CACNA2D1: variants seen among roughly 807,000 people sequenced by gnomAD.
CACNA2D1 encodes the protein calcium voltage-gated channel auxiliary subunit alpha2delta 1.
Under a neutral mutation model 171.5 loss-of-function variants are expected in CACNA2D1, and 53 were observed. The ratio of observed to expected loss-of-function variants is 0.31; its 90% CI spans 0.25 to 0.39. The LOEUF (loss-of-function observed/expected upper bound fraction) is 0.39. CACNA2D1 is among the 10% of genes least tolerant of loss of function. CACNA2D1 has a pLI of 1.00. For synonymous variants in CACNA2D1, 442 were observed against 443.1 expected, an observed-to-expected ratio of 1.00 and a Z score of 0.03; for missense variants, 903 against 1,299.8, an observed-to-expected ratio of 0.69 and a Z score of 4.69.
At chr7:82,328,015 C>G (rs1164365259) in intron 3 of CACNA2D1, among the ~76,000 whole-genome samples, 1 of 152,120 alleles carries the variant, frequency 6.6e-6, no homozygotes. Context: ...GAGACCAGCT[C>G]CATCTCACTG....
intron 3 of CACNA2D1, among the ~76,000 whole-genome samples, chr7:82,225,961 C>T (rs114728860): frequency 0.012 from 1,816 of 152,198 alleles, 31 homozygotes; most frequent in African/African-American, 0.041. Context: ...CTATTCATTA[C>T]TCAAAATAAA....
intron 6 of CACNA2D1, among the ~76,000 whole-genome samples, chr7:82,109,513 A>C (rs931015199): frequency 2.0e-5 from 3 of 152,194 alleles, no homozygotes; most frequent in African/African-American, 7.2e-5. Context: ...CAGCAATTTT[A>C]ACAAGAATGA....
At chr7:82,285,756 T>C (rs186216567) in intron 3 of CACNA2D1, among the ~76,000 whole-genome samples, 1 of 152,290 alleles carries the variant, frequency 6.6e-6, no homozygotes, top group East Asian at 1.9e-4. Context: ...ATGACATATT[T>C]AAAAACTTGA....
chr7:82,389,672 A>G (rs958301434), intron 1 of CACNA2D1, among the ~76,000 whole-genome samples: 3 of 152,110 alleles, frequency 2.0e-5, no homozygotes, highest in African/African-American at 7.2e-5. Context: ...GAAATTCCCC[A>G]TCTCTATTAG....
chr7:81,951,976 T>TG (rs1554321729), intron 38 of CACNA2D1, among the ~76,000 whole-genome samples: 2 of 148,094 alleles, frequency 1.4e-5, no homozygotes, highest in South Asian at 2.1e-4. Context: ...AGTGTTTTTT[T>TG]TTTTTTTTTT....
intron 7 of CACNA2D1, among the ~76,000 whole-genome samples, chr7:82,069,782 G>A (rs1042441074): frequency 7.3e-5 from 11 of 151,362 alleles, no homozygotes; most frequent in African/African-American, 2.2e-4. Context: ...TGATTCTCTC[G>A]GTAGAAACAT....
At chr7:81,957,117 T>A (rs1328219535) in intron 38 of CACNA2D1, among the ~76,000 whole-genome samples, 1 of 152,078 alleles carries the variant, frequency 6.6e-6, no homozygotes, top group African/African-American at 2.4e-5. Context: ...TAAATTTGTG[T>A]TAGCATCTTT....
At chr7:82,036,857 C>G (rs1803341264) in intron 11 of CACNA2D1, among the ~76,000 whole-genome samples, 1 of 152,174 alleles carries the variant, frequency 6.6e-6, no homozygotes, top group South Asian at 2.1e-4. Flanking sequence ...ACATTATGAT[C>G]TGACTTTTTA....
At chr7:82,044,560 G>GGATA (rs1804331101) in intron 10 of CACNA2D1, among the ~76,000 whole-genome samples, 1 of 151,844 alleles carries the variant, frequency 6.6e-6, no homozygotes, top group Non-Finnish European at 1.5e-5. Context: ...TAACTATGAT[G>GGATA]GATAACATAC....
At chr7:82,073,766 A>C (rs1048250328) in intron 7 of CACNA2D1, among the ~76,000 whole-genome samples, 1 of 151,990 alleles carries the variant, frequency 6.6e-6, no homozygotes, top group Non-Finnish European at 1.5e-5. Context: ...ACACCCGGCT[A>C]ATTTTTGTAT....
chr7:82,056,635 G>A (rs1395843826), intron 10 of CACNA2D1, among the ~76,000 whole-genome samples: 1 of 152,130 alleles, frequency 6.6e-6, no homozygotes, highest in African/African-American at 2.4e-5. Context: ...CACGGGAATA[G>A]TGTGATGCTG....
At chr7:82,136,990 A>G (rs2129079109) in intron 4 of CACNA2D1, among the ~76,000 whole-genome samples, 1 of 152,340 alleles carries the variant, frequency 6.6e-6, no homozygotes, top group East Asian at 1.9e-4. Flanking sequence ...ATATATTAAT[A>G]CACAATGAAC....
chr7:82,386,401 T>TTTGAA (rs1227497045), intron 1 of CACNA2D1, among the ~76,000 whole-genome samples: 1 of 152,148 alleles, frequency 6.6e-6, no homozygotes, highest in Non-Finnish European at 1.5e-5. Context: ...GTTTCAAAAT[T>TTTGAA]ACATTTTAAT....
chr7:82,437,729 G>GT (rs1830213298), intron 1 of CACNA2D1, among the ~76,000 whole-genome samples: 1 of 82,244 alleles, frequency 1.2e-5, no homozygotes, highest in South Asian at 4.2e-4. Context: ...AGCAATGACC[G>GT]CTTTCTTTAC....
At position 81,952,049 on chromosome 7, in the gene CACNA2D1, ATTGTGGT is replaced by A. The variant is rs981810702; in HGVS notation, c.3160-1548_3160-1542del. ...TAGTGCAGGAGTAAGGTGGTATCACATTGTGGTTTTAACATGCATTTCCCTGATAATT... is the reference window on the plus strand; with the variant it reads ...TAGTGCAGGAGTAAGGTGGTATCACATTTAACATGCATTTCCCTGATAATT... On this transcript the variant is annotated intron_variant, in intron 38 of 38. Coordinates refer to ENST00000356860, the MANE Select transcript of CACNA2D1 (RefSeq NM_000722.4). Among the ~76,000 whole-genome samples the A allele has an allele frequency of 4.1e-4, 57 of 138,942 alleles. No individual in the cohort carries two copies. In the Middle Eastern group the frequency reaches 0.026, roughly 63 times the overall value. The allele number at this position is 138,942 out of a possible 152,430, so 91.2% of individuals were successfully genotyped here. A position where few individuals can be genotyped will look rare whatever the true frequency, so the allele number is the denominator to read the frequency against.
intron 10 of CACNA2D1, among the ~76,000 whole-genome samples, chr7:82,055,207 T>G (rs922513270): frequency 6.6e-6 from 1 of 152,186 alleles, no homozygotes; most frequent in Non-Finnish European, 1.5e-5. Flanking sequence ...CTAAGTGGAC[T>G]TCAGAATATA....
chr7:82,166,401 G>A (rs1295642989), intron 4 of CACNA2D1, among the ~76,000 whole-genome samples: 1 of 151,976 alleles, frequency 6.6e-6, no homozygotes, highest in African/African-American at 2.4e-5. Context: ...ACAGTAACAA[G>A]CTGGTGCTAA....
chr7:82,420,081 C>G (rs1053130023), intron 1 of CACNA2D1, among the ~76,000 whole-genome samples: 1 of 152,112 alleles, frequency 6.6e-6, no homozygotes, highest in African/African-American at 2.4e-5. Context: ...TTGAGAAATT[C>G]TGCCTTAGGT....
At chr7:82,199,415 G>C (rs936493005) in intron 3 of CACNA2D1, among the ~76,000 whole-genome samples, 1 of 151,954 alleles carries the variant, frequency 6.6e-6, no homozygotes, top group Non-Finnish European at 1.5e-5. Context: ...ACACAGATTT[G>C]GGGGCTCCAA....
Sources: allele counts gnomAD v4.1 joint callset (sites outside exome capture counted in the v4.1 genomes callset), GRCh38; gene constraint gnomAD v4.1.1; transcripts MANE v1.5; gene names NCBI Gene and HGNC (gene_info 2026-07-23, HGNC 2026-07-21).